SERPINB7: variants seen among roughly 807,000 people sequenced by gnomAD.
SERPINB7 encodes serpin family B member 7, also known as serpin B7.
Under a neutral mutation model 37.4 loss-of-function variants are expected in SERPINB7, and 31 were observed. That is an observed-to-expected ratio of 0.83 (90% confidence interval 0.62 to 1.12). The LOEUF (loss-of-function observed/expected upper bound fraction) is 1.12, where lower values mean the gene tolerates loss of function less well. SERPINB7 is among the 50% of genes most tolerant of loss of function. The pLI is 0.00. For synonymous variants in SERPINB7, 163 were observed against 166.1 expected (o/e 0.98, Z 0.14); for missense variants, 521 against 455.3 (o/e 1.14, Z -1.31).
At chr18:63,783,232 G>A (rs9947598) in intron 2 of SERPINB7, among the ~76,000 whole-genome samples, 6,070 of 38,718 alleles carry the variant, frequency 0.16, 511 homozygotes, top group East Asian at 0.41. Context: ...GAGAGAGAGA[G>A]AGAAAGAAAG....
chr18:63,793,252 C>A lies in SERPINB7; in HGVS notation c.311C>A (p.Ala104Asp), dbSNP rs1161691899. The A allele has an allele frequency of 1.3e-6, 2 of 1,597,334 alleles. No homozygotes were observed. The highest frequency in any genetic ancestry group is 8.6e-7 in the Non-Finnish European group (1 of 1,169,130). Residue 104 changes from alanine (A) to aspartate (D), a missense_variant, in exon 4 of 8, where the codon GCT (alanine) becomes GAT (aspartate). Transcript: ENST00000398019. ...YDLSIVNGLFAEKVYGFHKDY... is the reference protein window; with the variant it reads ...YDLSIVNGLFDEKVYGFHKDY... ...CTCAGCATTGTGAATGGGCTTTTTG[C>A]TGAAAAAGTGTATGGCTTTCATAAG...
At chr18:63,782,682 T>C (rs1414785712) in intron 2 of SERPINB7, 142 bp downstream of exon 2, 7 of 761,614 alleles carry the variant, frequency 9.2e-6, no homozygotes, top group Non-Finnish European at 1.4e-5. Context: ...GAGGCCCTCT[T>C]TGGGTGTGAA....
In SERPINB7 at chr18:63,792,889, T is replaced by C. The variant is rs142289839; in HGVS notation, c.220-272T>C. Among the ~76,000 whole-genome samples the C allele has an allele frequency of 2.0e-4, 31 of 152,328 alleles. 1 individual carries two copies. Among genetic ancestry groups the C allele is most frequent in the Middle Eastern group, 6.8e-3 (2 of 294 alleles). ...TTTGTATATTCATAGACAACTTACA[T>C]TGGTAAAATTAATTAATATATATGT... On this transcript the variant is annotated intron_variant, in intron 3 of 7. Coordinates refer to ENST00000398019, the MANE Select transcript of SERPINB7 (RefSeq NM_003784.4).
At position 63,800,924 on chromosome 18, in the gene SERPINB7, T is replaced by C. The variant is rs199547208; in HGVS notation, c.656T>C (p.Ile219Thr). 3.0e-5 allele frequency: 48 copies of C among 1,614,070 alleles called. No homozygotes were observed. The East Asian group carries it at 9.8e-4, about 33-fold the overall frequency. Residue 219 changes from isoleucine (I) to threonine (T), a missense_variant, in exon 7 of 8, where the codon ATT becomes ACT. Physicochemically the swap from Ile to Thr is moderately conservative, Grantham distance 89. Coordinates refer to ENST00000398019, the MANE Select transcript of SERPINB7 (RefSeq NM_003784.4). ...GAACGGAAGTTCAATTTGTCTGTTA[T>C]TGAGGACCCATCAATGAAGATTCTT... The part of the protein sequence containing the change: ...HQERKFNLSV[I>T]EDPSMKILEL...
chr18:63,757,305 C>A (rs1053894196), intron 1 of SERPINB7, among the ~76,000 whole-genome samples: 9 of 152,118 alleles, frequency 5.9e-5, no homozygotes, highest in African/African-American at 2.2e-4. Context: ...CCTGGGAAAG[C>A]AATTGAATAA....
chr18:63,783,789 T>C (rs1449451702), intron 2 of SERPINB7, among the ~76,000 whole-genome samples: 2 of 152,166 alleles, frequency 1.3e-5, no homozygotes, highest in East Asian at 1.9e-4. Flanking sequence ...GCCCCACTAT[T>C]CCTCCCATTA....
At chr18:63,777,794 C>T (rs1429352083) in intron 1 of SERPINB7, 1 of 151,870 alleles carries the variant, frequency 6.6e-6, no homozygotes, top group Non-Finnish European at 1.5e-5. Flanking sequence ...CTCACCCAAC[C>T]AGCGGCCAAC....
At chr18:63,791,239 T>C (rs1272143177) in intron 2 of SERPINB7, among the ~76,000 whole-genome samples, 2 of 152,234 alleles carry the variant, frequency 1.3e-5, no homozygotes, top group South Asian at 2.1e-4. Flanking sequence ...TGTATACCTA[T>C]GTAAAAAACC....
chr18:63,771,790 G>A (rs2049212737), upstream of SERPINB7, among the ~76,000 whole-genome samples: 1 of 151,932 alleles, frequency 6.6e-6, no homozygotes. Flanking sequence ...AGCAGATTTT[G>A]TGGGGATATT....
At chr18:63,759,930 G>A (rs1568199140) in intron 1 of SERPINB7, among the ~76,000 whole-genome samples, 2 of 152,174 alleles carry the variant, frequency 1.3e-5, no homozygotes, top group South Asian at 4.1e-4. Flanking sequence ...CCAGTCTCAG[G>A]TATGTCTTTA....
intron 5 of SERPINB7, among the ~76,000 whole-genome samples, chr18:63,797,664 C>G (rs1414794828): frequency 6.6e-6 from 1 of 152,216 alleles, no homozygotes; most frequent in Non-Finnish European, 1.5e-5. Flanking sequence ...TTGAAGCCCA[C>G]ATCCTCTACA....
chr18:63,769,367 TAA>T (rs1262583733), intron 1 of SERPINB7, among the ~76,000 whole-genome samples: 1 of 152,168 alleles, frequency 6.6e-6, no homozygotes, highest in Non-Finnish European at 1.5e-5. Context: ...CCACTTATTA[TAA>T]AAGTGTCTGA....
chr18:63,759,279 A>G (rs1400200053), intron 1 of SERPINB7, among the ~76,000 whole-genome samples: 1 of 152,082 alleles, frequency 6.6e-6, no homozygotes, highest in Non-Finnish European at 1.5e-5. Context: ...AAGGGTCAGT[A>G]ATGCCATTAC....
intron 2 of SERPINB7, among the ~76,000 whole-genome samples, chr18:63,783,355 C>T: frequency 6.6e-6 from 1 of 151,882 alleles, no homozygotes; most frequent in Admixed American, 6.6e-5. Flanking sequence ...GGTGTTGGAC[C>T]CAGCACTCTG....
At chr18:63,770,887 A>ACG (rs2049206704), upstream of SERPINB7, among the ~76,000 whole-genome samples, 1 of 151,460 alleles carries the variant, frequency 6.6e-6, no homozygotes, top group Admixed American at 6.6e-5. Flanking sequence ...ACACACACAC[A>ACG]CACACACACA....
chr18:63,757,210 T>C (rs1452089544), intron 1 of SERPINB7, among the ~76,000 whole-genome samples: 1 of 152,136 alleles, frequency 6.6e-6, no homozygotes, highest in Non-Finnish European at 1.5e-5. Context: ...AGCCACAAAA[T>C]GAAAATTTAG....
intron 7 of SERPINB7, among the ~76,000 whole-genome samples, chr18:63,803,552 G>A (rs1384226586): frequency 1.3e-5 from 2 of 152,140 alleles, no homozygotes; most frequent in Non-Finnish European, 2.9e-5. Context: ...ATTGTTTGTG[G>A]GCAGCGATGC....
upstream of SERPINB7, among the ~76,000 whole-genome samples, chr18:63,773,535 C>T (rs1235703461): frequency 6.6e-6 from 1 of 152,090 alleles, no homozygotes; most frequent in Non-Finnish European, 1.5e-5. Flanking sequence ...GAGTTCACAG[C>T]CTTCTCTACT....
chr18:63,782,779 T>A (rs1408211388), intron 2 of SERPINB7, among the ~76,000 whole-genome samples: 1 of 152,148 alleles, frequency 6.6e-6, no homozygotes, highest in African/African-American at 2.4e-5. Flanking sequence ...TTTCCCTCAG[T>A]GCAGTGGTTC....
Sources: gnomAD v4.1 joint callset for allele counts (sites outside exome capture counted in the v4.1 genomes callset) on GRCh38, gnomAD v4.1.1 for gene constraint, MANE v1.5 for transcripts, NCBI Gene and HGNC (gene_info 2026-07-23, HGNC 2026-07-21) for gene names.